Variants in SLC22A9 observed in about 807,000 individuals in gnomAD.
SLC22A9 encodes the protein solute carrier family 22 member 9, also known as organic anion transporter 7.
Under a neutral mutation model 50.1 loss-of-function variants are expected in SLC22A9, and 64 were observed. The observed-to-expected ratio is 1.28, with a 90% CI of 1.04 to 1.57. The LOEUF (loss-of-function observed/expected upper bound fraction) is 1.57, where lower values mean the gene tolerates loss of function less well. Ranked by LOEUF, SLC22A9 falls within the 40% of genes most tolerant of loss-of-function variation. The probability of loss-of-function intolerance (pLI) is 0.00; values close to 1 mark genes in which losing one functional copy is unlikely to be tolerated. For missense variants in SLC22A9, 757 were observed against 676.1 expected (o/e 1.12, Z -1.33); for synonymous variants, 261 against 242.5 (o/e 1.08, Z -0.71).
intron 2 of SLC22A9, among the ~76,000 whole-genome samples, chr11:63,372,570 A>G (rs1399720628): frequency 6.6e-6 from 1 of 152,136 alleles, no homozygotes; most frequent in Non-Finnish European, 1.5e-5. Flanking sequence ...TTTCCTTTAG[A>G]TTTCTATTGG....
At chr11:63,379,324 T>C (rs564600253) in intron 5 of SLC22A9, among the ~76,000 whole-genome samples, 37 of 152,252 alleles carry the variant, frequency 2.4e-4, no homozygotes, top group African/African-American at 8.4e-4. Flanking sequence ...ATGCAGAAGA[T>C]TGAAACTGAA....
intron 2 of SLC22A9, among the ~76,000 whole-genome samples, chr11:63,373,128 T>C (rs1399730652): frequency 5.0e-5 from 5 of 100,246 alleles, no homozygotes; most frequent in Admixed American, 9.9e-5. Context: ...TTTTCCTTTT[T>C]TTTTTTCTTT....
chr11:63,382,075 C>CTCA, intron 5 of SLC22A9, 84 bp from the exon 6 acceptor site: 2 of 885,296 alleles, frequency 2.3e-6, no homozygotes, highest in South Asian at 3.8e-5. Context: ...CAACTCACTT[C>CTCA]TCATCTGTGG....
intron 6 of SLC22A9, among the ~76,000 whole-genome samples, chr11:63,393,547 T>C (rs1013749583): frequency 6.6e-6 from 1 of 152,146 alleles, no homozygotes; most frequent in Admixed American, 6.6e-5. Flanking sequence ...TTCAGTATTA[T>C]GTTGGCCGTG....
chr11:63,398,121 G>A (rs190079389), intron 6 of SLC22A9, among the ~76,000 whole-genome samples: 91 of 152,252 alleles, frequency 6.0e-4, no homozygotes, highest in East Asian at 4.6e-3. Context: ...TCAGGCCTGC[G>A]TCCTTCCCTT....
Position 63,370,377 on chromosome 11 carries a change from C to T in SLC22A9, c.321C>T (p.Asn107=), listed in dbSNP as rs145266650. Residue 107 remains asparagine, a synonymous_variant, in exon 1 of 10, where the codon AAC becomes AAT. Coordinates refer to ENST00000279178, the MANE Select transcript of SLC22A9 (RefSeq NM_080866.3). ...QLLHLNGTFP[N]TSDADMEPCV... is the part of the protein sequence containing the mutation. ...TTCACCTGAATGGGACCTTCCCCAA[C>T]ACAAGTGACGCAGACATGGAGCCCT... The T allele has an allele frequency of 1.4e-5, 23 of 1,613,764 alleles. No homozygotes were observed. In the Admixed American group the frequency reaches 2.0e-4, roughly 14 times the overall value.
At position 63,370,385 on chromosome 11, in the gene SLC22A9, A is replaced by G; in HGVS notation, c.329A>G (p.Asp110Gly). 6.2e-7 allele frequency: 1 copy of G among 1,613,798 alleles called. No individual in the cohort carries two copies. The highest frequency in any genetic ancestry group is 8.5e-7 in the Non-Finnish European group (1 of 1,179,772). ...HLNGTFPNTS[D>G]ADMEPCVDGW... The stretch of plus-strand genomic sequence containing the variant: ...AATGGGACCTTCCCCAACACAAGTG[A>G]CGCAGACATGGAGCCCTGTGTGGAT... The change falls in exon 1 of 10, where the codon GAC (aspartate) becomes GGC (glycine). Residue 110 changes from aspartate to glycine, a missense_variant. By Grantham distance (94) the Asp-to-Gly change is moderately conservative. Coordinates refer to ENST00000279178, the MANE Select transcript of SLC22A9 (RefSeq NM_080866.3).
In SLC22A9 at chr11:63,410,060, G is replaced by A; in HGVS notation, c.*198G>A. ...TAAAGACCACCCTGGCCAACATGGT[G>A]AAACCCTGTCTCTACTAAAACAAAT... is the stretch of plus-strand genomic sequence containing the variant. On this transcript the variant is annotated 3_prime_UTR_variant, in exon 10 of 10. Coordinates refer to ENST00000279178, the MANE Select transcript of SLC22A9 (RefSeq NM_080866.3). The A allele has an allele frequency of 4.2e-6, 2 of 477,018 alleles. No homozygotes were observed. The highest frequency in any genetic ancestry group is 2.3e-5 in the South Asian group (1 of 42,744). 29.5% of individuals were successfully genotyped at this position (477,018 alleles called of 1,614,324 possible). A position where few individuals can be genotyped will look rare whatever the true frequency, so the allele number is the denominator to read the frequency against.
intron 6 of SLC22A9, among the ~76,000 whole-genome samples, chr11:63,390,426 A>G (rs2014743648): frequency 6.6e-6 from 1 of 152,040 alleles, no homozygotes; most frequent in Non-Finnish European, 1.5e-5. Context: ...CATTTATTAG[A>G]TTGGGAATCC....
At chr11:63,371,891 C>T (rs185583831) in intron 2 of SLC22A9, among the ~76,000 whole-genome samples, 117 of 152,214 alleles carry the variant, frequency 7.7e-4, no homozygotes, top group African/African-American at 2.3e-3. Flanking sequence ...TTACCTTCAC[C>T]CAACCATGTC....
At chr11:63,396,931 T>C (rs963612742) in intron 6 of SLC22A9, among the ~76,000 whole-genome samples, 6 of 152,192 alleles carry the variant, frequency 3.9e-5, no homozygotes, top group Non-Finnish European at 8.8e-5. Context: ...TTGTGGATGT[T>C]CATCAGTGTC....
rs2015068440 is a variant in SLC22A9 at position 63,407,965 on chromosome 11, C to CT, written c.1289-146dup. 5.2e-6 allele frequency: 3 copies of CT among 579,804 alleles called. No homozygotes were observed. In the East Asian group the frequency reaches 8.4e-5, roughly 16 times the overall value. 35.9% of individuals were successfully genotyped at this position (579,804 alleles called of 1,614,324 possible). On this transcript the variant is annotated intron_variant, in intron 7 of 9. Coordinates refer to ENST00000279178, the MANE Select transcript of SLC22A9 (RefSeq NM_080866.3). ...AATCATGTTTCTCAGCTATCAGCCA[C>CT]TGCACATTCTTTGCCTCTATGCAGT...
intron 5 of SLC22A9, among the ~76,000 whole-genome samples, chr11:63,377,458 G>A (rs7119705): frequency 0.061 from 9,267 of 151,984 alleles, 822 homozygotes; most frequent in African/African-American, 0.2. Flanking sequence ...AATGACTTCC[G>A]GATAAATAAA....
Position 63,406,668 on chromosome 11 carries a change from CCTACTGGCAA to C in SLC22A9, c.1246_1255del (p.Leu416SerfsTer25). ...GAGCAAGCCAGATGCTTCTCATGTT[CCTACTGGCAA>C]TCTGCCTTCTGGCCATCATATTTGT... On this transcript the variant is annotated frameshift_variant, in exon 7 of 10. Transcript: ENST00000279178. LOFTEE classifies it high-confidence loss of function. 1 of 1,613,650 alleles carries C rather than the reference CCTACTGGCAA, an allele frequency of 6.2e-7. No homozygotes were observed. Among genetic ancestry groups the C allele is most frequent in the Non-Finnish European group, 8.5e-7 (1 of 1,179,792 alleles).
chr11:63,390,627 A>C (rs1215493578), intron 6 of SLC22A9, among the ~76,000 whole-genome samples: 3 of 152,096 alleles, frequency 2.0e-5, no homozygotes, highest in Non-Finnish European at 4.4e-5. Flanking sequence ...AGGTAGCATG[A>C]TGTCTCCAGC....
At chr11:63,383,439 G>C (rs1202444461) in intron 6 of SLC22A9, among the ~76,000 whole-genome samples, 1 of 152,160 alleles carries the variant, frequency 6.6e-6, no homozygotes, top group Non-Finnish European at 1.5e-5. Context: ...AGATCTCTCT[G>C]ATCAGAAATA....
At chr11:63,373,342 T>C (rs754016706) in intron 2 of SLC22A9, among the ~76,000 whole-genome samples, 4 of 152,152 alleles carry the variant, frequency 2.6e-5, no homozygotes, top group Non-Finnish European at 5.9e-5. Context: ...CGCTGTGTGT[T>C]AGTACAAGGG....
chr11:63,387,191 G>A (rs899759051), intron 6 of SLC22A9, among the ~76,000 whole-genome samples: 1 of 151,810 alleles, frequency 6.6e-6, no homozygotes, highest in Non-Finnish European at 1.5e-5. Flanking sequence ...TGTGCGTCTG[G>A]GGTATTACTA....
rs116046748 is a variant in SLC22A9, at chr11:63,381,034, T to C, written c.955-1125T>C. Among the ~76,000 whole-genome samples the C allele has an allele frequency of 6.1e-3, 929 of 152,274 alleles. 10 individuals are homozygous for C. Among genetic ancestry groups the C allele is most frequent in the African/African-American group, 0.02 (850 of 41,556 alleles). Reference sequence around the variant, plus strand: ...AAAATGGATTTTATACATGACTGGATACCTAATGTTGCCTAAATTTGAATT... The same window carrying C: ...AAAATGGATTTTATACATGACTGGACACCTAATGTTGCCTAAATTTGAATT... On this transcript the variant is annotated intron_variant, in intron 5 of 9. Coordinates refer to ENST00000279178, the MANE Select transcript of SLC22A9 (RefSeq NM_080866.3).
Sources: gnomAD v4.1 joint callset for allele counts (sites outside exome capture counted in the v4.1 genomes callset) on GRCh38, gnomAD v4.1.1 for gene constraint, MANE v1.5 for transcripts, NCBI Gene and HGNC (gene_info 2026-07-23, HGNC 2026-07-21) for gene names.